Variants in LAMP2 observed in about 807,000 individuals in gnomAD.
The protein encoded by LAMP2 is lysosome-associated membrane glycoprotein 2.
In LAMP2, 4 loss-of-function variants were observed where a neutral mutation model predicts 25.6. That is an observed-to-expected ratio of 0.16 (90% CI 0.08 to 0.36). The LOEUF (loss-of-function observed/expected upper bound fraction) is 0.36. Ranked by LOEUF, LAMP2 falls within the 10% of genes least tolerant of loss-of-function variation. The probability of loss-of-function intolerance (pLI) is 1.00; values close to 1 mark genes in which losing one functional copy is unlikely to be tolerated. For missense variants in LAMP2, 272 were observed against 301.4 expected (o/e 0.90, Z 0.72); for synonymous variants, 108 against 112.7 (o/e 0.96, Z 0.27).
chrX:120,428,535 G>A lies in LAMP2; in HGVS notation c.*2788C>T. ...TTTTCCTTCTTCCAATCATATAAGA[G>A]ATAAAGACAACAATTATAAGGAAGC... On this transcript the variant is annotated 3_prime_UTR_variant, in exon 9 of 9. Coordinates refer to ENST00000200639, the MANE Select transcript of LAMP2 (RefSeq NM_002294.3). 8.3e-7 allele frequency: 1 copy of A among 1,202,267 alleles called. No individual in the cohort carries two copies. Among genetic ancestry groups the A allele is most frequent in the Non-Finnish European group, 1.1e-6 (1 of 891,361 alleles).
In LAMP2 at chrX:120,428,300, CAG is replaced by C; in HGVS notation, c.*3021_*3022del. 2.2e-6 allele frequency: 1 copy of C among 464,269 alleles called. No individual in the cohort carries two copies. The highest frequency in any genetic ancestry group is 3.1e-6 in the Non-Finnish European group (1 of 322,451). 38.3% of individuals were successfully genotyped at this position (464,269 alleles called of 1,213,427 possible). The stretch of plus-strand genomic sequence containing the variant: ...TACTTTAACAAAGGAAGAAAAAAAA[CAG>C]AAAAAAATTGGTCCTAATATATTTT... On this transcript the variant is annotated 3_prime_UTR_variant, in exon 9 of 9. Coordinates refer to ENST00000200639, the MANE Select transcript of LAMP2 (RefSeq NM_002294.3).
rs754649831 is a variant in LAMP2 at position 120,452,895 on chromosome X, C to A, written c.397+2462G>T. Among the ~76,000 whole-genome samples, 4 of 110,308 alleles carry A rather than the reference C, an allele frequency of 3.6e-5. No individual in the cohort carries two copies. In the South Asian group the frequency reaches 1.5e-3, roughly 43 times the overall value. On this transcript the variant is annotated intron_variant, in intron 3 of 8. Transcript: ENST00000200639. Reference sequence around the variant, plus strand: ...AACCACAGGGATCTACATATGGGTTCAGGGACTATGTTCCATATGCAAAGT... The same window carrying A: ...AACCACAGGGATCTACATATGGGTTAAGGGACTATGTTCCATATGCAAAGT...
chrX:120,468,877 C>A (rs930854661), intron 1 of LAMP2, among the ~76,000 whole-genome samples: 6 of 111,586 alleles, frequency 5.4e-5, no homozygotes, highest in African/African-American at 1.3e-4. Context: ...TCGGCGTCCA[C>A]CCCCCGTTAC....
intron 1 of LAMP2, among the ~76,000 whole-genome samples, chrX:120,458,558 C>A (rs911016208): frequency 9.0e-6 from 1 of 111,678 alleles, no homozygotes; most frequent in African/African-American, 3.3e-5. Flanking sequence ...CCCTTCACAG[C>A]CTTTCTGCCT....
chrX:120,468,645 C>T (rs1921638511), intron 1 of LAMP2, among the ~76,000 whole-genome samples: 1 of 110,694 alleles, frequency 9.0e-6, no homozygotes, highest in East Asian at 2.9e-4. Flanking sequence ...CAAGCTACTC[C>T]AGGCAGGCAT....
chrX:120,444,918 T>C (rs969495789), intron 6 of LAMP2, among the ~76,000 whole-genome samples: 38 of 112,201 alleles, frequency 3.4e-4, no homozygotes, highest in African/African-American at 1.1e-3. Flanking sequence ...CAGGTGTCTC[T>C]TGATTTTTCA....
At chrX:120,446,196 G>A in intron 6 of LAMP2, 109 bp downstream of exon 6, 2 of 710,070 alleles carry the variant, frequency 2.8e-6, no homozygotes, top group Non-Finnish European at 4.4e-6. Flanking sequence ...ATTGAGTACT[G>A]TAGAACTGGA....
At chrX:120,439,889 GATGAGAA>G (rs1468507826) in intron 8 of LAMP2, among the ~76,000 whole-genome samples, 1 of 111,157 alleles carries the variant, frequency 9.0e-6, no homozygotes, top group Non-Finnish European at 1.9e-5. Context: ...GGTATCATGT[GATGAGAA>G]TAGCCAGGCT....
intron 8 of LAMP2, among the ~76,000 whole-genome samples, chrX:120,432,874 T>G (rs1439926943): frequency 2.8e-5 from 3 of 107,624 alleles, no homozygotes; most frequent in African/African-American, 1.0e-4. Context: ...ATGGGAGAAC[T>G]GTTTGAGCCC....
chrX:120,438,388 T>TA, intron 8 of LAMP2: 1 of 747,287 alleles, frequency 1.3e-6, no homozygotes, highest in South Asian at 6.8e-5. Context: ...CTAAAGCACC[T>TA]AAAAAATGGA....
chrX:120,428,612 C>G lies in LAMP2; in HGVS notation c.*2711G>C, dbSNP rs1350606806. ...ATAAGAAAGTTGAGGTCAGAGTCAG[C>G]AGAACATTCTTCAGCTGTTAGAAAA... On this transcript the variant is annotated 3_prime_UTR_variant, in exon 9 of 9. Transcript: ENST00000200639. The G allele has an allele frequency of 1.7e-6, 2 of 1,187,176 alleles. No homozygotes were observed. Among genetic ancestry groups the G allele is most frequent in the African/African-American group, 3.6e-5 (2 of 56,206 alleles).
At chrX:120,433,748 T>C (rs2058532029) in intron 8 of LAMP2, among the ~76,000 whole-genome samples, 1 of 112,016 alleles carries the variant, frequency 8.9e-6, no homozygotes, top group Non-Finnish European at 1.9e-5. Flanking sequence ...CCTAGTTCTC[T>C]GCCTAGCTTG....
chrX:120,439,047 C>T, intron 8 of LAMP2: 1 of 1,173,577 alleles, frequency 8.5e-7, no homozygotes, highest in Non-Finnish European at 1.1e-6. Context: ...ACCACCCATT[C>T]TAAAGAGCTG....
rs1569364828 is a variant in LAMP2, at chrX:120,428,648, CAAGGA to C, written c.*2670_*2674del. On this transcript the variant is annotated 3_prime_UTR_variant, in exon 9 of 9. Transcript: ENST00000200639. The stretch of plus-strand genomic sequence containing the variant: ...TCAGCTGTTAGAAAAGAACAGACAG[CAAGGA>C]AAGGAAATTAGCAAAGAATGCAATT... The C allele has an allele frequency of 5.2e-6, 6 of 1,151,370 alleles. No individual in the cohort carries two copies. The highest frequency in any genetic ancestry group is 2.4e-4 in the Middle Eastern group (1 of 4,247). The allele number at this position is 1,151,370 out of a possible 1,213,427, so 94.9% of individuals were successfully genotyped here. A position where few individuals can be genotyped will look rare whatever the true frequency, so the allele number is the denominator to read the frequency against.
intron 1 of LAMP2, among the ~76,000 whole-genome samples, chrX:120,465,515 A>G (rs1030865909): frequency 2.7e-5 from 3 of 112,231 alleles, no homozygotes; most frequent in Non-Finnish European, 5.6e-5. Context: ...CTGGTCAGTT[A>G]CAATTCATCC....
chrX:120,439,368 T>C lies in LAMP2; in HGVS notation c.1093+2362A>G, dbSNP rs1207212123. 3.0e-6 allele frequency: 3 copies of C among 988,679 alleles called. No homozygotes were observed. In the Admixed American group the frequency reaches 6.7e-5, roughly 22 times the overall value. The allele number at this position is 988,679 out of a possible 1,213,427, so 81.5% of individuals were successfully genotyped here. A position where few individuals can be genotyped will look rare whatever the true frequency, so the allele number is the denominator to read the frequency against. ...AATGTCTCGAAGTCAAAGATGTTGATTTAAAAGTCAGAAATGTTCTTACAA... is the reference window on the plus strand; with the variant it reads ...AATGTCTCGAAGTCAAAGATGTTGACTTAAAAGTCAGAAATGTTCTTACAA... On this transcript the variant is annotated intron_variant, in intron 8 of 8. Transcript: ENST00000200639.
At chrX:120,460,963 A>C (rs1921291617) in intron 1 of LAMP2, among the ~76,000 whole-genome samples, 1 of 112,166 alleles carries the variant, frequency 8.9e-6, no homozygotes, top group African/African-American at 3.2e-5. Flanking sequence ...TCAAAAAAAA[A>C]CAAAAACAAA....
At chrX:120,451,109 G>A (rs1181453322) in intron 3 of LAMP2, among the ~76,000 whole-genome samples, 1 of 110,082 alleles carries the variant, frequency 9.1e-6, no homozygotes, top group Non-Finnish European at 1.9e-5. Context: ...CGTATTTTTA[G>A]TAGAGATGGG....
At chrX:120,434,348 T>C (rs5956217) in intron 8 of LAMP2, among the ~76,000 whole-genome samples, 10,543 of 111,777 alleles carry the variant, frequency 0.094, 1,195 homozygotes, top group African/African-American at 0.32. Flanking sequence ...ATTCCGCTAA[T>C]ACAAAGATCT....
Sources: allele counts gnomAD v4.1 joint callset (sites outside exome capture counted in the v4.1 genomes callset), GRCh38; gene constraint gnomAD v4.1.1; transcripts MANE v1.5; gene names NCBI Gene and HGNC (gene_info 2026-07-23, HGNC 2026-07-21).